FGF14: variants seen among roughly 807,000 people sequenced by gnomAD.
FGF14 encodes fibroblast growth factor 14, also known as fibroblast growth factor homologous factor 4.
A neutral mutation model predicts 25.5 loss-of-function variants in FGF14; 5 were observed. The observed-to-expected ratio is 0.20, with a 90% CI of 0.10 to 0.41. The LOEUF is 0.41. Among genes scored for constraint, FGF14 ranks in the 10% least tolerant of loss-of-function variants. The pLI, the probability that FGF14 is intolerant of heterozygous loss-of-function variation, is 1.00. For synonymous variants in FGF14, 138 were observed against 118.3 expected, an observed-to-expected ratio of 1.17 and a Z score of -1.08; for missense variants, 222 against 320.1, an observed-to-expected ratio of 0.69 and a Z score of 2.34.
At chr13:101,896,239 A>G (rs532077442) in intron 1 of FGF14, among the ~76,000 whole-genome samples, 3 of 152,096 alleles carry the variant, frequency 2.0e-5, no homozygotes, top group Non-Finnish European at 1.5e-5. Flanking sequence ...TCAAATAAAT[A>G]TCTTGCCTTT....
At chr13:102,317,002 T>G (rs892105510) in intron 1 of FGF14, among the ~76,000 whole-genome samples, 3 of 152,128 alleles carry the variant, frequency 2.0e-5, no homozygotes, top group African/African-American at 7.2e-5. Context: ...TTAGGCCATT[T>G]TCCATCTTTT....
At chr13:102,004,553 T>C (rs139674206) in intron 1 of FGF14, among the ~76,000 whole-genome samples, 1 of 152,320 alleles carries the variant, frequency 6.6e-6, no homozygotes, top group East Asian at 1.9e-4. Flanking sequence ...CTCTCTCTAG[T>C]TATAGTCCCT....
intron 1 of FGF14, among the ~76,000 whole-genome samples, chr13:101,972,847 A>T (rs1296213853): frequency 6.6e-6 from 1 of 152,178 alleles, no homozygotes; most frequent in East Asian, 1.9e-4. Flanking sequence ...AGGTAAGCCA[A>T]AGCCAATAAA....
intron 3 of FGF14, chr13:101,802,231 TG>T: frequency 3.8e-6 from 1 of 265,038 alleles, no homozygotes; most frequent in Non-Finnish European, 7.5e-6. Context: ...GGCAAAAAGC[TG>T]GGTGAGATGT....
At chr13:102,309,847 C>G (rs915139454) in intron 1 of FGF14, among the ~76,000 whole-genome samples, 1 of 152,148 alleles carries the variant, frequency 6.6e-6, no homozygotes, top group Non-Finnish European at 1.5e-5. Flanking sequence ...GAATCTTCAT[C>G]CTGCATTTGC....
intron 1 of FGF14, among the ~76,000 whole-genome samples, chr13:102,121,099 C>T (rs951042322): frequency 3.3e-5 from 5 of 152,188 alleles, no homozygotes; most frequent in East Asian, 1.9e-4. Context: ...GATTCCAAAT[C>T]GTTAGTCCCT....
chr13:102,349,430 G>A (rs1000382489), intron 1 of FGF14, among the ~76,000 whole-genome samples: 2 of 152,154 alleles, frequency 1.3e-5, no homozygotes, highest in Non-Finnish European at 2.9e-5. Context: ...TGTCAATGAT[G>A]AATATAATAT....
intron 1 of FGF14, among the ~76,000 whole-genome samples, chr13:102,122,858 C>T (rs982275184): frequency 3.9e-5 from 6 of 152,168 alleles, no homozygotes; most frequent in Non-Finnish European, 1.5e-5. Context: ...GGTATTTATA[C>T]TCTCTCCATT....
Position 101,799,258 on chromosome 13 carries a change from T to C in FGF14, c.408+69467A>G, listed in dbSNP as rs1011410489. 3.9e-5 allele frequency among the ~76,000 whole-genome samples: 6 copies of C among 152,088 alleles called. No homozygotes were observed. In the East Asian group the frequency reaches 1.2e-3, roughly 29 times the overall value. Reference sequence around the variant, plus strand: ...AAATTCATGCTGTTCTCTCTGATACTCATTTTGTCTTTCAAACCTGAAGTT... The same window carrying C: ...AAATTCATGCTGTTCTCTCTGATACCCATTTTGTCTTTCAAACCTGAAGTT... On this transcript the variant is annotated intron_variant, in intron 3 of 4. Transcript: ENST00000376143.
intron 1 of FGF14, among the ~76,000 whole-genome samples, chr13:102,254,767 G>A (rs2052357680): frequency 6.6e-6 from 1 of 152,174 alleles, no homozygotes. Context: ...AACTAAAAAT[G>A]TACTAGACAT....
chr13:101,901,697 C>T (rs2031574563), intron 1 of FGF14, among the ~76,000 whole-genome samples: 1 of 152,084 alleles, frequency 6.6e-6, no homozygotes, highest in African/African-American at 2.4e-5. Context: ...GAGCAAGACT[C>T]TGTCTCAAAA....
At chr13:102,310,702 G>GGT (rs1594814525) in intron 1 of FGF14, among the ~76,000 whole-genome samples, 1 of 61,340 alleles carries the variant, frequency 1.6e-5, no homozygotes, top group Non-Finnish European at 3.4e-5. Context: ...TGTGTGGGGG[G>GGT]GGGGGGGTGG....
chr13:102,121,050 A>G (rs648465), intron 1 of FGF14, among the ~76,000 whole-genome samples: 103,515 of 152,086 alleles, frequency 0.68, 36,753 homozygotes, highest in East Asian at 0.9. Flanking sequence ...GAGCATACAC[A>G]CTTTCCAAGG....
At chr13:102,402,281 C>G (rs967483409), upstream of FGF14, 1 of 153,448 alleles carries the variant, frequency 6.5e-6, no homozygotes, top group African/African-American at 2.4e-5. Context: ...AATTTAGGTG[C>G]CCCCTCCCCT....
intron 1 of FGF14, among the ~76,000 whole-genome samples, chr13:102,041,595 AAG>A (rs1555345220): frequency 3.3e-5 from 5 of 149,850 alleles, no homozygotes; most frequent in Admixed American, 1.4e-4. Context: ...AAAAAAAAAA[AAG>A]AGAGATTTTA....
chr13:101,952,171 A>G (rs993725132), intron 1 of FGF14, among the ~76,000 whole-genome samples: 1 of 152,172 alleles, frequency 6.6e-6, no homozygotes, highest in African/African-American at 2.4e-5. Context: ...CTTCATAGAT[A>G]AGAATATGAA....
intron 1 of FGF14, among the ~76,000 whole-genome samples, chr13:102,013,409 A>G (rs1002452543): frequency 1.3e-5 from 2 of 152,198 alleles, no homozygotes; most frequent in Non-Finnish European, 2.9e-5. Context: ...CATGTATTAC[A>G]GTTTTTCTAA....
intron 1 of FGF14, among the ~76,000 whole-genome samples, chr13:102,380,806 A>C (rs371349744): frequency 2.0e-5 from 3 of 152,318 alleles, no homozygotes; most frequent in East Asian, 3.9e-4. Context: ...TCAGTGTATT[A>C]ATGAAATGCC....
intron 1 of FGF14, among the ~76,000 whole-genome samples, chr13:102,021,973 T>A (rs1376549438): frequency 6.6e-6 from 1 of 152,076 alleles, no homozygotes; most frequent in Non-Finnish European, 1.5e-5. Context: ...ACCATTCCAG[T>A]TCTCAAGATC....
Sources: allele counts gnomAD v4.1 joint callset (sites outside exome capture counted in the v4.1 genomes callset), GRCh38; gene constraint gnomAD v4.1.1; transcripts MANE v1.5; gene names NCBI Gene and HGNC (gene_info 2026-07-23, HGNC 2026-07-21).